The following CIAO2A variants were observed in gnomAD, a reference collection of about 807,000 sequenced individuals.
CIAO2A encodes the protein cytosolic iron-sulfur assembly component 2A.
Under a neutral mutation model 22.4 loss-of-function variants are expected in CIAO2A, and 17 were observed. The ratio of observed to expected loss-of-function variants is 0.76; its 90% CI spans 0.52 to 1.14. The LOEUF is 1.14. CIAO2A is among the 50% of genes most tolerant of loss of function. CIAO2A has a pLI of 0.00. For synonymous variants in CIAO2A, 74 were observed against 72.3 expected (o/e 1.02, Z -0.12); for missense variants, 192 against 191.4 (o/e 1.00, Z -0.02).
Position 64,072,619 on chromosome 15 carries a change from T to G in CIAO2A, c.*312A>C, listed in dbSNP as rs2080680354. On this transcript the variant is annotated 3_prime_UTR_variant, in exon 5 of 5. Coordinates refer to ENST00000300030, the MANE Select transcript of CIAO2A (RefSeq NM_032231.7). ...AGTAATGATTTAAATTGAGTACATT[T>G]GGGCACAGTAGATATTTGACACGAA... 4.7e-6 allele frequency: 1 copy of G among 211,594 alleles called. No homozygotes were observed. Among genetic ancestry groups the G allele is most frequent in the South Asian group, 1.4e-4 (1 of 6,998 alleles). 13.1% of individuals were successfully genotyped at this position (211,594 alleles called of 1,614,324 possible).
At position 64,077,947 on chromosome 15, in the gene CIAO2A, G is replaced by C. The variant is rs58960498; in HGVS notation, c.340-2410C>G. On this transcript the variant is annotated intron_variant, in intron 3 of 4. Transcript: ENST00000300030. Reference sequence around the variant, plus strand: ...CAGGAAATACATCCTATAGTATTTAGAGTAAGGGGGCATTACAAATGCACT... The same window carrying C: ...CAGGAAATACATCCTATAGTATTTACAGTAAGGGGGCATTACAAATGCACT... Among the ~76,000 whole-genome samples, 1,313 of 152,294 alleles carry C rather than the reference G, an allele frequency of 8.6e-3. 17 individuals are homozygous for C. The highest frequency in any genetic ancestry group is 0.03 in the African/African-American group (1,251 of 41,548).
intron 2 of CIAO2A, among the ~76,000 whole-genome samples, chr15:64,085,183 C>G (rs2140112407): frequency 2.0e-5 from 3 of 152,316 alleles, no homozygotes; most frequent in Admixed American, 2.0e-4. Flanking sequence ...CAAATGGTTA[C>G]AAAACTTCTG....
At chr15:64,073,533 C>T (rs1490122867) in intron 4 of CIAO2A, among the ~76,000 whole-genome samples, 1 of 152,120 alleles carries the variant, frequency 6.6e-6, no homozygotes, top group African/African-American at 2.4e-5. Context: ...TAAAATTACT[C>T]ACCAGTTTAT....
chr15:64,082,858 A>G (rs954111405), intron 2 of CIAO2A, among the ~76,000 whole-genome samples: 9 of 152,290 alleles, frequency 5.9e-5, no homozygotes, highest in East Asian at 5.8e-4. Context: ...GTGATCCTGC[A>G]TAAGTTACTT....
At chr15:64,086,607 C>A (rs1003179570) in intron 2 of CIAO2A, among the ~76,000 whole-genome samples, 1 of 112,170 alleles carries the variant, frequency 8.9e-6, no homozygotes, top group African/African-American at 3.5e-5. Flanking sequence ...CTTTTTCTAG[C>A]AATGGGATTT....
At chr15:64,084,707 T>A (rs2080780529) in intron 2 of CIAO2A, among the ~76,000 whole-genome samples, 1 of 152,148 alleles carries the variant, frequency 6.6e-6, no homozygotes, top group East Asian at 1.9e-4. Context: ...AGGTGGAGGT[T>A]GTGGTGAACC....
At chr15:64,078,878 T>C (rs2080740286) in intron 3 of CIAO2A, among the ~76,000 whole-genome samples, 1 of 151,614 alleles carries the variant, frequency 6.6e-6, no homozygotes, top group South Asian at 2.1e-4. Context: ...ACTCTGTCAC[T>C]ACAAAAAATA....
intron 4 of CIAO2A, chr15:64,075,168 C>T (rs2080707608): frequency 5.5e-6 from 1 of 180,802 alleles, no homozygotes; most frequent in African/African-American, 2.4e-5. Context: ...ATTTCAAGTA[C>T]ACAGCTCTCT....
At chr15:64,075,613 T>A in intron 3 of CIAO2A, 76 bp from the exon 4 acceptor site, 2 of 911,468 alleles carry the variant, frequency 2.2e-6, no homozygotes, top group South Asian at 1.6e-5. Flanking sequence ...GAATGTACAG[T>A]AAATTCAAAC....
intron 2 of CIAO2A, among the ~76,000 whole-genome samples, chr15:64,086,406 C>A (rs2080795277): frequency 6.6e-6 from 1 of 151,858 alleles, no homozygotes; most frequent in Non-Finnish European, 1.5e-5. Context: ...GAGTTAAACT[C>A]CAGCTCAAAA....
intron 1 of CIAO2A, 84 bp from the exon 2 acceptor site, chr15:64,088,935 C>T (rs993417146): frequency 2.3e-6 from 3 of 1,317,044 alleles, no homozygotes; most frequent in African/African-American, 1.5e-5. Context: ...AATTTAAGCA[C>T]TGACTTCTCT....
At chr15:64,082,977 G>A (rs2080768089) in intron 2 of CIAO2A, among the ~76,000 whole-genome samples, 1 of 151,930 alleles carries the variant, frequency 6.6e-6, no homozygotes, top group African/African-American at 2.4e-5. Context: ...CAAGGCGGGA[G>A]GACTGCTTGA....
Position 64,093,724 on chromosome 15 carries a change from G to A in CIAO2A, c.45C>T (p.Val15=). The A allele has an allele frequency of 1.2e-6, 2 of 1,614,042 alleles. No individual in the cohort carries two copies. The highest frequency in any genetic ancestry group is 1.7e-6 in the Non-Finnish European group (2 of 1,179,940). ...SGLLSWTLSR[V]LWLSGLSEPG... is the part of the protein sequence containing the mutation. ...GCTCAGAGAGGCCGGAGAGCCACAG[G>A]ACTCTGCTCAGCGTCCAGGAGAGCA... Residue 15 remains valine (V), a synonymous_variant, in exon 1 of 5, where the codon GTC becomes GTT. Transcript: ENST00000300030.
At chr15:64,077,606 T>C (rs772527976) in intron 3 of CIAO2A, among the ~76,000 whole-genome samples, 2 of 152,196 alleles carry the variant, frequency 1.3e-5, no homozygotes, top group African/African-American at 2.4e-5. Context: ...TTGCCAAAAA[T>C]GCACAAACTG....
intron 1 of CIAO2A, 131 bp downstream of exon 1, chr15:64,093,514 A>AAAACAAAC (rs752283548): frequency 1.7e-6 from 2 of 1,170,866 alleles, no homozygotes; most frequent in East Asian, 4.9e-5. Flanking sequence ...GATCTGGCCA[A>AAAACAAAC]AAACAAACAA....
chr15:64,087,833 G>A (rs569370618), intron 2 of CIAO2A, among the ~76,000 whole-genome samples: 23 of 146,992 alleles, frequency 1.6e-4, no homozygotes, highest in Non-Finnish European at 1.9e-4. Context: ...ACTATTACCC[G>A]CTAACACCCT....
intron 2 of CIAO2A, 41 bp from the exon 3 acceptor site, chr15:64,081,192 C>T (rs767565274): frequency 1.9e-6 from 3 of 1,583,518 alleles, no homozygotes; most frequent in Middle Eastern, 1.7e-4. Flanking sequence ...CTCTTTATTG[C>T]TTCTTATTGG....
chr15:64,072,980 T>C lies in CIAO2A; in HGVS notation c.434A>G (p.Asn145Ser), dbSNP rs2080684766. The change falls in exon 5 of 5, where the codon AAC (asparagine) becomes AGC (serine). Residue 145 changes from asparagine to serine, a missense_variant. Physicochemically the swap from Asn to Ser is conservative, Grantham distance 46. Coordinates refer to ENST00000300030, the MANE Select transcript of CIAO2A (RefSeq NM_032231.7). ...TTCCACAATTTCCCGTAAGTTGGGG[T>C]TTTCCATTGCAGCTGCCACTCGCTC... ...DKERVAAAMENPNLREIVEQC... is the reference protein window; with the variant it reads ...DKERVAAAMESPNLREIVEQC... 2 of 1,613,576 alleles carry C rather than the reference T, an allele frequency of 1.2e-6. No individual in the cohort carries two copies. The highest frequency in any genetic ancestry group is 1.7e-6 in the Non-Finnish European group (2 of 1,179,830).
intron 2 of CIAO2A, among the ~76,000 whole-genome samples, chr15:64,085,797 C>T (rs1165180828): frequency 1.3e-5 from 2 of 152,028 alleles, no homozygotes; most frequent in South Asian, 2.1e-4. Context: ...CAACCTCCGC[C>T]TCCCGGGTTC....
Sources: allele counts gnomAD v4.1 joint callset (sites outside exome capture counted in the v4.1 genomes callset), GRCh38; gene constraint gnomAD v4.1.1; transcripts MANE v1.5; gene names NCBI Gene and HGNC (gene_info 2026-07-23, HGNC 2026-07-21).